Variants in DPYD observed in about 807,000 individuals in gnomAD.
DPYD encodes dihydropyrimidine dehydrogenase [NADP(+)].
A neutral mutation model predicts 116.2 loss-of-function variants in DPYD; 109 were observed. The ratio of observed to expected loss-of-function variants is 0.94; its 90% CI spans 0.80 to 1.10. The LOEUF (loss-of-function observed/expected upper bound fraction) is 1.10. Among genes scored for constraint, DPYD ranks in the 50% least tolerant of loss-of-function variants. The pLI is 0.00. For synonymous variants in DPYD, 440 were observed against 432.0 expected, an observed-to-expected ratio of 1.02 and a Z score of -0.23; for missense variants, 1,302 against 1,254.5, an observed-to-expected ratio of 1.04 and a Z score of -0.57.
chr1:97,078,108 T>C lies in DPYD; in HGVS notation c.*868A>G, dbSNP rs925839839. 5 of 152,170 alleles carry C rather than the reference T, an allele frequency of 3.3e-5. No homozygotes were observed. The highest frequency in any genetic ancestry group is 1.2e-4 in the African/African-American group (5 of 41,450). 9.4% of individuals were successfully genotyped at this position (152,170 alleles called of 1,614,324 possible). A position where few individuals can be genotyped will look rare whatever the true frequency, so the allele number is the denominator to read the frequency against. On this transcript the variant is annotated 3_prime_UTR_variant, in exon 23 of 23. Coordinates refer to ENST00000370192, the MANE Select transcript of DPYD (RefSeq NM_000110.4). ...TTATCAACATTATATTTTTCATTCT[T>C]GAATAATGAAGCATTGCATACTTTG...
chr1:97,603,280 T>A (rs1655380220), intron 8 of DPYD, among the ~76,000 whole-genome samples: 1 of 151,872 alleles, frequency 6.6e-6, no homozygotes, highest in Non-Finnish European at 1.5e-5. Context: ...AATAAAATAC[T>A]AAAAAGGAAC....
chr1:97,154,406 A>T (rs562993209), intron 20 of DPYD, among the ~76,000 whole-genome samples: 105 of 152,292 alleles, frequency 6.9e-4, no homozygotes, highest in East Asian at 2.5e-3. Flanking sequence ...AAAACCAAAC[A>T]TCTTATGTTC....
chr1:97,492,899 A>T (rs1284106440), intron 13 of DPYD, among the ~76,000 whole-genome samples: 1 of 152,130 alleles, frequency 6.6e-6, no homozygotes, highest in Non-Finnish European at 1.5e-5. Flanking sequence ...AATTTAAACC[A>T]CAGGTTGAAC....
In DPYD at chr1:97,346,948, T is replaced by C. The variant is rs371638929; in HGVS notation, c.2058+26613A>G. ...TATATAAAATATTTTATTTTATTAT[T>C]ATTATTGAATGCCTTGGTGATTTGG... is the stretch of plus-strand genomic sequence containing the variant. On this transcript the variant is annotated intron_variant, in intron 16 of 22. Transcript: ENST00000370192. 4.5e-4 allele frequency among the ~76,000 whole-genome samples: 69 copies of C among 151,962 alleles called. No homozygotes were observed. In the South Asian group the frequency reaches 0.014, roughly 30 times the overall value.
chr1:97,920,139 A>G (rs894516379), intron 1 of DPYD, among the ~76,000 whole-genome samples: 10 of 152,220 alleles, frequency 6.6e-5, no homozygotes, highest in Admixed American at 6.5e-5. Context: ...CACTGTTGAT[A>G]ATTAAATCCT....
chr1:97,292,746 ACT>A (rs1491268380), intron 18 of DPYD, among the ~76,000 whole-genome samples: 2 of 146,820 alleles, frequency 1.4e-5, no homozygotes, highest in East Asian at 2.0e-4. Flanking sequence ...ACACACACAC[ACT>A]ATTTCTACAA....
chr1:97,624,336 G>A (rs543802362), intron 8 of DPYD, among the ~76,000 whole-genome samples: 23 of 152,050 alleles, frequency 1.5e-4, no homozygotes, highest in African/African-American at 5.1e-4. Context: ...TTTCTCAAAA[G>A]ATGACATACA....
intron 8 of DPYD, among the ~76,000 whole-genome samples, chr1:97,641,779 G>T (rs560198616): frequency 6.6e-6 from 1 of 152,232 alleles, no homozygotes; most frequent in Non-Finnish European, 1.5e-5. Context: ...GAAATAAAGG[G>T]TATTCAATTA....
chr1:97,732,630 T>G (rs988808608), intron 4 of DPYD, among the ~76,000 whole-genome samples: 1 of 152,128 alleles, frequency 6.6e-6, no homozygotes. Context: ...GATGTGATAT[T>G]TTAACAATAA....
chr1:97,268,922 TA>T (rs1442687777), intron 18 of DPYD, among the ~76,000 whole-genome samples: 1 of 152,222 alleles, frequency 6.6e-6, no homozygotes, highest in African/African-American at 2.4e-5. Flanking sequence ...TTTTATTCTT[TA>T]TGTGGCTAAG....
chr1:97,679,719 A>G (rs371455848), intron 7 of DPYD, among the ~76,000 whole-genome samples: 2 of 152,208 alleles, frequency 1.3e-5, no homozygotes, highest in South Asian at 4.1e-4. Context: ...GTCAAGGGAA[A>G]ATGAATAAAG....
chr1:97,294,781 A>G (rs921463246), intron 18 of DPYD, among the ~76,000 whole-genome samples: 1 of 152,170 alleles, frequency 6.6e-6, no homozygotes, highest in African/African-American at 2.4e-5. Flanking sequence ...TGCCTGAATG[A>G]TGCCTCTCAT....
intron 2 of DPYD, among the ~76,000 whole-genome samples, chr1:97,834,760 T>C (rs1231107988): frequency 1.3e-5 from 2 of 150,382 alleles, no homozygotes; most frequent in South Asian, 4.2e-4. Flanking sequence ...TCTAGGTTCC[T>C]CTAAAAAAAA....
chr1:97,443,046 G>T (rs1675887682), intron 14 of DPYD, among the ~76,000 whole-genome samples: 1 of 152,130 alleles, frequency 6.6e-6, no homozygotes, highest in Non-Finnish European at 1.5e-5. Flanking sequence ...GAGGAATTGA[G>T]GCTGAGAGTG....
chr1:97,663,752 C>A (rs182582724), intron 8 of DPYD, among the ~76,000 whole-genome samples: 3 of 152,260 alleles, frequency 2.0e-5, no homozygotes, highest in African/African-American at 7.2e-5. Flanking sequence ...TTGTGTTTGT[C>A]CCTATTTGTC....
chr1:97,594,934 T>A, intron 9 of DPYD, 125 bp downstream of exon 9: 20 of 600,296 alleles, frequency 3.3e-5, no homozygotes, highest in Admixed American at 5.7e-5. Context: ...TAATTTTACA[T>A]TTGGGTCTTA....
At chr1:97,193,565 G>A (rs907560183) in intron 19 of DPYD, among the ~76,000 whole-genome samples, 5 of 152,092 alleles carry the variant, frequency 3.3e-5, no homozygotes, top group South Asian at 2.1e-4. Context: ...TTAAGGAGTC[G>A]AATTTGGCAC....
At chr1:97,605,833 A>T (rs1016381072) in intron 8 of DPYD, among the ~76,000 whole-genome samples, 5 of 152,058 alleles carry the variant, frequency 3.3e-5, no homozygotes, top group Non-Finnish European at 2.9e-5. Context: ...CTTAAAGCTT[A>T]AAAAATCTAT....
intron 8 of DPYD, among the ~76,000 whole-genome samples, chr1:97,677,871 T>C (rs1455146762): frequency 4.6e-5 from 7 of 152,164 alleles, no homozygotes; most frequent in Non-Finnish European, 7.4e-5. Context: ...AGAAAGGCAA[T>C]GAAAAAGGAC....
Sources: allele counts gnomAD v4.1 joint callset (sites outside exome capture counted in the v4.1 genomes callset), GRCh38; gene constraint gnomAD v4.1.1; transcripts MANE v1.5; gene names NCBI Gene and HGNC (gene_info 2026-07-23, HGNC 2026-07-21).